Variants in STK3 observed in about 807,000 individuals in gnomAD.
STK3 encodes the protein serine/threonine kinase 3, also known as serine/threonine-protein kinase 3.
Under a neutral mutation model 58.0 loss-of-function variants are expected in STK3, and 41 were observed. That is an observed-to-expected ratio of 0.71 (90% CI 0.55 to 0.92). The LOEUF (loss-of-function observed/expected upper bound fraction) is 0.92. STK3 is among the 40% of genes least tolerant of loss of function. The pLI, the probability that STK3 is intolerant of heterozygous loss-of-function variation, is 0.00. For missense variants in STK3, 479 were observed against 602.7 expected, an observed-to-expected ratio of 0.79 and a Z score of 2.15; for synonymous variants, 170 against 191.0, an observed-to-expected ratio of 0.89 and a Z score of 0.91.
intron 6 of STK3, among the ~76,000 whole-genome samples, chr8:98,700,625 A>C (rs1304123570): frequency 6.6e-6 from 1 of 152,198 alleles, no homozygotes; most frequent in Non-Finnish European, 1.5e-5. Context: ...TCCTTAAATC[A>C]CATTTGACAT....
intron 10 of STK3, among the ~76,000 whole-genome samples, chr8:98,502,409 C>A (rs1388403649): frequency 3.3e-5 from 5 of 152,102 alleles, no homozygotes; most frequent in Non-Finnish European, 7.4e-5. Context: ...CTTTCTCTTG[C>A]CTGATTGCCC....
In STK3 at chr8:98,511,074, C is replaced by T. The variant is rs566976727; in HGVS notation, c.1317+15668G>A. 1.8e-4 allele frequency among the ~76,000 whole-genome samples: 27 copies of T among 152,044 alleles called. No homozygotes were observed. The South Asian group carries it at 3.1e-3, about 18-fold the overall frequency. On this transcript the variant is annotated intron_variant, in intron 10 of 10. Coordinates refer to ENST00000419617, the MANE Select transcript of STK3 (RefSeq NM_006281.4). ...ATACTTAAACCAAGTAATCCTAAAT[C>T]GGTCTCAAAAAATATGAATAATAAC...
At chr8:98,392,098 G>T (rs1817853743), upstream of STK3, among the ~76,000 whole-genome samples, 2 of 151,992 alleles carry the variant, frequency 1.3e-5, no homozygotes, top group African/African-American at 4.8e-5. Flanking sequence ...CTCAATAAAA[G>T]AAATCTTTCT....
chr8:98,813,832 A>G (rs912690706), intron 1 of STK3, among the ~76,000 whole-genome samples: 3 of 152,240 alleles, frequency 2.0e-5, no homozygotes, highest in African/African-American at 7.2e-5. Context: ...CAGAAAATAT[A>G]GACAAATTTG....
chr8:98,817,968 C>T (rs1198211303), intron 1 of STK3, among the ~76,000 whole-genome samples: 1 of 152,140 alleles, frequency 6.6e-6, no homozygotes, highest in African/African-American at 2.4e-5. Context: ...TCATTGAATC[C>T]GTGCCCATCT....
At chr8:98,811,367 T>A (rs1035570243) in intron 1 of STK3, among the ~76,000 whole-genome samples, 1 of 152,288 alleles carries the variant, frequency 6.6e-6, no homozygotes, top group East Asian at 1.9e-4. Flanking sequence ...TCACTACTAA[T>A]AGTAGCTACT....
intron 6 of STK3, among the ~76,000 whole-genome samples, chr8:98,647,647 C>G (rs983573871): frequency 7.2e-5 from 11 of 152,152 alleles, no homozygotes; most frequent in Admixed American, 3.3e-4. Flanking sequence ...TCAGGGTCCA[C>G]AGGCAGGTGC....
At chr8:98,755,976 C>G (rs1830263348) in intron 3 of STK3, among the ~76,000 whole-genome samples, 1 of 151,886 alleles carries the variant, frequency 6.6e-6, no homozygotes, top group Non-Finnish European at 1.5e-5. Context: ...CCTGTCTCTA[C>G]TAAAAATACA....
intron 3 of STK3, among the ~76,000 whole-genome samples, chr8:98,395,050 T>A (rs945806449): frequency 6.6e-6 from 1 of 152,218 alleles, no homozygotes; most frequent in African/African-American, 2.4e-5. Flanking sequence ...TCTCTGTCTG[T>A]GTGGATCGCT....
At chr8:98,543,867 A>G (rs995072135) in intron 9 of STK3, among the ~76,000 whole-genome samples, 1 of 152,164 alleles carries the variant, frequency 6.6e-6, no homozygotes, top group African/African-American at 2.4e-5. Flanking sequence ...AGCAGCACTC[A>G]ATAGCCAGGG....
chr8:98,527,411 G>A (rs1297807676), intron 9 of STK3, among the ~76,000 whole-genome samples: 1 of 152,006 alleles, frequency 6.6e-6, no homozygotes, highest in Non-Finnish European at 1.5e-5. Flanking sequence ...TTGAGCCCAG[G>A]AGTTCAAGAC....
At chr8:98,784,334 T>C (rs530916895) in intron 1 of STK3, among the ~76,000 whole-genome samples, 1 of 152,230 alleles carries the variant, frequency 6.6e-6, no homozygotes, top group Non-Finnish European at 1.5e-5. Flanking sequence ...GCTGGGATTG[T>C]GCTCTCCTCC....
intron 4 of STK3, among the ~76,000 whole-genome samples, chr8:98,714,466 T>C (rs1462599537): frequency 2.0e-5 from 3 of 152,110 alleles, no homozygotes; most frequent in South Asian, 2.1e-4. Flanking sequence ...GCAAAAATCA[T>C]AAGCATTTTT....
intron 8 of STK3, among the ~76,000 whole-genome samples, chr8:98,561,207 T>C (rs1414447632): frequency 2.6e-5 from 4 of 151,114 alleles, no homozygotes; most frequent in Non-Finnish European, 5.9e-5. Context: ...TACACAAATA[T>C]AGTCAACAGA....
At chr8:98,779,025 TATAATA>T (rs1438512282) in intron 1 of STK3, 1 of 151,440 alleles carries the variant, frequency 6.6e-6, no homozygotes, top group Non-Finnish European at 1.5e-5. Context: ...AAACTTAAAG[TATAATA>T]ATAATAAAAT....
chr8:98,922,246 T>A (rs1339930909), intron 1 of STK3, among the ~76,000 whole-genome samples: 1 of 152,212 alleles, frequency 6.6e-6, no homozygotes, highest in East Asian at 1.9e-4. Context: ...ACAGTCATCT[T>A]GCAACCAGTA....
At chr8:98,921,358 G>C (rs897419213) in intron 1 of STK3, 2 of 152,210 alleles carry the variant, frequency 1.3e-5, no homozygotes, top group African/African-American at 4.8e-5. Flanking sequence ...CAGCTACTCT[G>C]TACCCTTGAC....
chr8:98,421,395 C>T (rs1476781787), intron 3 of STK3, among the ~76,000 whole-genome samples: 2 of 151,974 alleles, frequency 1.3e-5, no homozygotes, highest in South Asian at 4.1e-4. Flanking sequence ...GAGGTGGTTG[C>T]CCCTACCCTT....
At chr8:98,389,142 T>C (rs1201396753), upstream of STK3, among the ~76,000 whole-genome samples, 1 of 152,188 alleles carries the variant, frequency 6.6e-6, no homozygotes, top group Non-Finnish European at 1.5e-5. Context: ...ACTCAGAATA[T>C]TCTCCTCTCT....
Sources: allele counts gnomAD v4.1 joint callset (sites outside exome capture counted in the v4.1 genomes callset), GRCh38; gene constraint gnomAD v4.1.1; transcripts MANE v1.5; gene names NCBI Gene and HGNC (gene_info 2026-07-23, HGNC 2026-07-21).